MFSD2B: variants seen among roughly 807,000 people sequenced by gnomAD.
The protein encoded by MFSD2B is MFSD2 lysolipid transporter B, sphingolipid.
MFSD2B carries 56 observed loss-of-function variants against 58.4 expected under a neutral mutation model. That is an observed-to-expected ratio of 0.96 (90% CI 0.77 to 1.20). The LOEUF is 1.20. MFSD2B is among the 50% of genes most tolerant of loss of function. The pLI is 0.00. For synonymous variants in MFSD2B, 287 were observed against 294.4 expected (o/e 0.97, Z 0.26); for missense variants, 645 against 667.6 (o/e 0.97, Z 0.37).
chr2:24,023,302 T>C lies in MFSD2B; in HGVS notation c.1169+63T>C. ...GGGTGTCACCTCCTTCATGTAAACCTGCCGTCCCAGGCCCCCTGCACCCAG... is the reference window on the plus strand; with the variant it reads ...GGGTGTCACCTCCTTCATGTAAACCCGCCGTCCCAGGCCCCCTGCACCCAG... On this transcript the variant is annotated intron_variant, in intron 11 of 13. Transcript: ENST00000338315. This position sits in a 1 kb window ranked among gnomAD's most constrained non-coding sequence, Gnocchi z 5.0. 7.3e-7 allele frequency: 1 copy of C among 1,377,912 alleles called. No homozygotes were observed. The highest frequency in any genetic ancestry group is 1.0e-6 in the Non-Finnish European group (1 of 971,944). The allele number at this position is 1,377,912 out of a possible 1,614,324, so 85.4% of individuals were successfully genotyped here.
At chr2:24,016,075 C>T (rs1288867624) in intron 2 of MFSD2B, 81 bp from the exon 3 acceptor site, 1 of 1,566,264 alleles carries the variant, frequency 6.4e-7, no homozygotes, top group East Asian at 2.2e-5. Context: ...CCAGGCCTCC[C>T]TCTTGATGGC....
intron 1 of MFSD2B, 161 bp from the exon 2 acceptor site, chr2:24,013,124 C>G: frequency 1.8e-6 from 1 of 546,964 alleles, no homozygotes; most frequent in Non-Finnish European, 2.9e-6. Context: ...CTCTTCGTCT[C>G]ACTTCCTCTT....
In MFSD2B at chr2:24,023,477, G is replaced by A; in HGVS notation, c.1170-106G>A. ...TTCTCTGGTGGCCAGTCTGGTCCTG[G>A]GCACAGAACTCAGGGATGAATCCAC... On this transcript the variant is annotated intron_variant, in intron 11 of 13. Transcript: ENST00000338315. This position sits in a 1 kb window ranked among gnomAD's most constrained non-coding sequence, Gnocchi z 5.0. 1 of 1,363,386 alleles carries A rather than the reference G, an allele frequency of 7.3e-7. No homozygotes were observed. The highest frequency in any genetic ancestry group is 1.0e-6 in the Non-Finnish European group (1 of 1,000,348). The allele number at this position is 1,363,386 out of a possible 1,614,324, so 84.5% of individuals were successfully genotyped here. A position where few individuals can be genotyped will look rare whatever the true frequency, so the allele number is the denominator to read the frequency against.
rs2150943397 is a variant in MFSD2B at position 24,024,350 on chromosome 2, A to G, written c.1490+79A>G. 1 of 1,403,882 alleles carries G rather than the reference A, an allele frequency of 7.1e-7. No homozygotes were observed. The highest frequency in any genetic ancestry group is 1.3e-5 in the South Asian group (1 of 77,526). The allele number at this position is 1,403,882 out of a possible 1,614,324, so 87.0% of individuals were successfully genotyped here. On this transcript the variant is annotated intron_variant, in intron 13 of 13. Coordinates refer to ENST00000338315, the MANE Select transcript of MFSD2B (RefSeq NM_001346880.2). This position sits in a 1 kb window ranked among gnomAD's most constrained non-coding sequence, Gnocchi z 4.3. ...GAATGACTAACACCAGCCTGCAGACATCCCTGCTGTGTCACACAGTCCTGC... is the reference window on the plus strand; with the variant it reads ...GAATGACTAACACCAGCCTGCAGACGTCCCTGCTGTGTCACACAGTCCTGC...
intron 3 of MFSD2B, 38 bp downstream of exon 3, chr2:24,016,318 G>A: frequency 6.3e-7 from 1 of 1,597,460 alleles, no homozygotes. Flanking sequence ...CAGGCACCTG[G>A]TCCTGGCCCT....
At position 24,024,215 on chromosome 2, in the gene MFSD2B, C is replaced by T. The variant is rs369642827; in HGVS notation, c.1434C>T (p.Val478=). 19 of 1,613,074 alleles carry T rather than the reference C, an allele frequency of 1.2e-5. No individual in the cohort carries two copies. Among genetic ancestry groups the T allele is most frequent in the African/African-American group, 2.7e-5 (2 of 74,900 alleles). Residue 478 remains valine, a synonymous_variant, in exon 13 of 14, where the codon GTC becomes GTT. Transcript: ENST00000338315. This position sits in a 1 kb window ranked among gnomAD's most constrained non-coding sequence, Gnocchi z 4.3. ...TTGCTGGGCTCTGCATCCTCATGGTCGGCTCCACTCCAAAGACACCCAGTC... is the reference window on the plus strand; with the variant it reads ...TTGCTGGGCTCTGCATCCTCATGGTTGGCTCCACTCCAAAGACACCCAGTC... ...MILAGLCILM[V]GSTPKTPSRD...
Position 24,022,047 on chromosome 2 carries a change from G to C in MFSD2B, c.894+77G>C. 2 of 1,571,536 alleles carry C rather than the reference G, an allele frequency of 1.3e-6. No individual in the cohort carries two copies. Among genetic ancestry groups the C allele is most frequent in the Non-Finnish European group, 1.7e-6 (2 of 1,147,428 alleles). ...TGCATAGGTTCAGGGTGCAGTCTTG[G>C]CTTGAGTTTTATAGGGAGAAACCTG... is the stretch of plus-strand genomic sequence containing the variant. On this transcript the variant is annotated intron_variant, in intron 8 of 13. Coordinates refer to ENST00000338315, the MANE Select transcript of MFSD2B (RefSeq NM_001346880.2). This position sits in a 1 kb window ranked among gnomAD's most constrained non-coding sequence, Gnocchi z 4.5.
chr2:24,023,136 G>C lies in MFSD2B; in HGVS notation c.1066G>C (p.Val356Leu). The change falls in exon 11 of 14, where the codon GTG becomes CTG. Residue 356 changes from valine to leucine, a missense_variant. Val to Leu is a conservative substitution (Grantham distance 32). Coordinates refer to ENST00000338315, the MANE Select transcript of MFSD2B (RefSeq NM_001346880.2). This position sits in a 1 kb window ranked among gnomAD's most constrained non-coding sequence, Gnocchi z 5.0. ...KTSAFGIFAM[V>L]PFAILLAAVP... ...GGTGTGTGTGTCTCCCCAGGCGATG[G>C]TGCCCTTTGCGATCTTGCTGGCTGC... 1.9e-6 allele frequency: 3 copies of C among 1,612,052 alleles called. No homozygotes were observed. The highest frequency in any genetic ancestry group is 2.5e-6 in the Non-Finnish European group (3 of 1,179,662).
chr2:24,017,513 C>T lies in MFSD2B; in HGVS notation c.606C>T (p.Ile202=), dbSNP rs753944776. 13 of 1,587,902 alleles carry T rather than the reference C, an allele frequency of 8.2e-6. No homozygotes were observed. The highest frequency in any genetic ancestry group is 3.4e-5 in the South Asian group (3 of 87,158). Residue 202 remains isoleucine (I), a synonymous_variant, in exon 6 of 14, where the codon ATC becomes ATT. Transcript: ENST00000338315. The surrounding 1 kb of genome is among the most constrained non-coding windows in gnomAD (Gnocchi z 4.8). ...TGGGGGCCACTGTCCACGGGCTCAT[C>T]GTGTCCGGCGCCCACAGACCCCACA... ...TLMGATVHGL[I]VSGAHRPHRC...
At position 24,026,714 on chromosome 2, in the gene MFSD2B, T is replaced by C. The variant is rs1371640092; in HGVS notation, c.*1258T>C. Reference sequence around the variant, plus strand: ...TAGGGGACCCTTTTAGATTTCATTCTATATACCTCTTCAGCTGGCTGTTCA... The same window carrying C: ...TAGGGGACCCTTTTAGATTTCATTCCATATACCTCTTCAGCTGGCTGTTCA... On this transcript the variant is annotated 3_prime_UTR_variant, in exon 14 of 14. Transcript: ENST00000338315. 6.6e-6 allele frequency: 1 copy of C among 152,244 alleles called. No homozygotes were observed. Among genetic ancestry groups the C allele is most frequent in the Non-Finnish European group, 1.5e-5 (1 of 68,040 alleles). The allele number at this position is 152,244 out of a possible 1,614,324, so 9.4% of individuals were successfully genotyped here.
Position 24,023,051 on chromosome 2 carries a change from C to A in MFSD2B, c.1060-79C>A. The A allele has an allele frequency of 7.3e-7, 1 of 1,368,568 alleles. No homozygotes were observed. The highest frequency in any genetic ancestry group is 1.2e-5 in the South Asian group (1 of 84,598). 84.8% of individuals were successfully genotyped at this position (1,368,568 alleles called of 1,614,324 possible). On this transcript the variant is annotated intron_variant, in intron 10 of 13. Transcript: ENST00000338315. This position sits in a 1 kb window ranked among gnomAD's most constrained non-coding sequence, Gnocchi z 5.0. ...CTAGCACAGGGCAAGGCATGGGGGT[C>A]GTCAGTCGAGTCGTGTGTGAAGGAG... is the stretch of plus-strand genomic sequence containing the variant.
Position 24,024,093 on chromosome 2 carries a change from AG to A in MFSD2B, c.1314del. The A allele has an allele frequency of 6.2e-7, 1 of 1,612,556 alleles. No individual in the cohort carries two copies. The highest frequency in any genetic ancestry group is 8.5e-7 in the Non-Finnish European group (1 of 1,179,350). On this transcript the variant is annotated splice_acceptor_variant, in intron 12 of 13. Coordinates refer to ENST00000338315, the MANE Select transcript of MFSD2B (RefSeq NM_001346880.2). LOFTEE classifies it high-confidence loss of function. This position sits in a 1 kb window ranked among gnomAD's most constrained non-coding sequence, Gnocchi z 4.3. ...CCTAATGGCTGGCTGATGTTTCTCC[AG>A]GTTCTCGGGGTATAAGGCAGGGGTC...
At chr2:24,019,339 A>G (rs1470351158) in intron 6 of MFSD2B, among the ~76,000 whole-genome samples, 3 of 152,116 alleles carry the variant, frequency 2.0e-5, no homozygotes, top group African/African-American at 7.2e-5. Context: ...TATGTTAACA[A>G]GCCCTCCCGG....
Position 24,023,671 on chromosome 2 carries a change from T to A in MFSD2B, c.1258T>A (p.Phe420Ile). ...LETIFYSSYV[F>I]FTKLSGACAL... ...GACCATCTTCTACTCCTCCTACGTC[T>A]TCTTCACCAAGCTGTCTGGCGCATG... The change falls in exon 12 of 14, where the codon TTC becomes ATC. Residue 420 changes from phenylalanine to isoleucine, a missense_variant. Coordinates refer to ENST00000338315, the MANE Select transcript of MFSD2B (RefSeq NM_001346880.2). The surrounding 1 kb of genome is among the most constrained non-coding windows in gnomAD (Gnocchi z 5.0). The A allele has an allele frequency of 6.2e-7, 1 of 1,613,934 alleles. No homozygotes were observed.
chr2:24,017,951 T>C lies in MFSD2B; in HGVS notation c.681+363T>C, dbSNP rs1461810711. Among the ~76,000 whole-genome samples, 1 of 152,030 alleles carries C rather than the reference T, an allele frequency of 6.6e-6. No individual in the cohort carries two copies. Among genetic ancestry groups the C allele is most frequent in the Non-Finnish European group, 1.5e-5 (1 of 67,978 alleles). ...CCTCGCAGAGCCCTGGGTAAAGCCC[T>C]TCCTATGACCCATGCCCCCTCCCCC... On this transcript the variant is annotated intron_variant, in intron 6 of 13. Coordinates refer to ENST00000338315, the MANE Select transcript of MFSD2B (RefSeq NM_001346880.2). This position sits in a 1 kb window ranked among gnomAD's most constrained non-coding sequence, Gnocchi z 4.8.
chr2:24,017,207 G>C lies in MFSD2B; in HGVS notation c.472-79G>C, dbSNP rs552337456. ...CACGTTGGCCTGTGGGTGTCGGGAT[G>C]TGACACCCAGGATGGGGGAGGTCGC... On this transcript the variant is annotated intron_variant, in intron 4 of 13. Transcript: ENST00000338315. The surrounding 1 kb of genome is among the most constrained non-coding windows in gnomAD (Gnocchi z 4.8). 7.0e-7 allele frequency: 1 copy of C among 1,429,444 alleles called. No individual in the cohort carries two copies. The highest frequency in any genetic ancestry group is 2.5e-5 in the East Asian group (1 of 40,242). The allele number at this position is 1,429,444 out of a possible 1,614,324, so 88.5% of individuals were successfully genotyped here.
rs140585989 is a variant in MFSD2B at position 24,011,599 on chromosome 2, C to G, written c.96+1407C>G. Among the ~76,000 whole-genome samples, 37 of 152,308 alleles carry G rather than the reference C, an allele frequency of 2.4e-4. 1 individual carries two copies. Among genetic ancestry groups the G allele is most frequent in the African/African-American group, 8.7e-4 (36 of 41,576 alleles). ...CATCTCCACTCCCTCCAGCCCCCAG[C>G]AAACGATGAGAAAAGAGCCCAGCTT... On this transcript the variant is annotated intron_variant, in intron 1 of 13. Transcript: ENST00000338315.
intron 1 of MFSD2B, 106 bp from the exon 2 acceptor site, chr2:24,013,179 G>A: frequency 1.6e-6 from 2 of 1,221,306 alleles, no homozygotes; most frequent in East Asian, 5.0e-5. Context: ...TGCTGGAAAA[G>A]CCCTGAAGAC....
At position 24,016,889 on chromosome 2, in the gene MFSD2B, T is replaced by A; in HGVS notation, c.392T>A (p.Leu131Gln). 1 of 1,613,866 alleles carries A rather than the reference T, an allele frequency of 6.2e-7. No individual in the cohort carries two copies. Among genetic ancestry groups the A allele is most frequent in the Non-Finnish European group, 8.5e-7 (1 of 1,179,864 alleles). ...TTCATCGCCCTGGCCTACTTCTTCC[T>A]GTGGTTCCTGCCCCCCTTCACCAGC... ...TPFIALAYFFLWFLPPFTSLR... is the reference protein window; with the variant it reads ...TPFIALAYFFQWFLPPFTSLR... Residue 131 changes from leucine (L) to glutamine (Q), a missense_variant, in exon 4 of 14, where the codon CTG (leucine) becomes CAG (glutamine). Physicochemically the swap from Leu to Gln is moderately radical, Grantham distance 113. Coordinates refer to ENST00000338315, the MANE Select transcript of MFSD2B (RefSeq NM_001346880.2).
Sources: gnomAD v4.1 joint callset for allele counts (sites outside exome capture counted in the v4.1 genomes callset) on GRCh38, gnomAD v4.1.1 for gene constraint, Gnocchi (gnomAD v3.1) non-coding constraint, MANE v1.5 for transcripts, NCBI Gene and HGNC (gene_info 2026-07-23, HGNC 2026-07-21) for gene names.